Variants in OSBPL1A observed in about 807,000 individuals in gnomAD.
The protein encoded by OSBPL1A is oxysterol-binding protein-related protein 1.
OSBPL1A carries 80 observed loss-of-function variants against 137.1 expected under a neutral mutation model. That is an observed-to-expected ratio of 0.58 (90% confidence interval 0.49 to 0.70). OSBPL1A has a LOEUF of 0.70. Ranked by LOEUF, OSBPL1A falls within the 30% of genes least tolerant of loss-of-function variation. OSBPL1A has a pLI of 0.00. For missense variants in OSBPL1A, 970 were observed against 1,129.4 expected (o/e 0.86, Z 2.02); for synonymous variants, 365 against 389.7 (o/e 0.94, Z 0.75).
At chr18:24,250,331 C>T (rs1436272384) in intron 15 of OSBPL1A, among the ~76,000 whole-genome samples, 2 of 152,120 alleles carry the variant, frequency 1.3e-5, no homozygotes, top group Non-Finnish European at 2.9e-5. Context: ...TGCACGCTAC[C>T]ACGCCCAGCT....
intron 17 of OSBPL1A, among the ~76,000 whole-genome samples, chr18:24,198,771 C>CGCA (rs758260008): frequency 6.6e-6 from 1 of 151,960 alleles, no homozygotes; most frequent in African/African-American, 2.4e-5. Context: ...CTCAGACTGC[C>CGCA]ACAATGGGGC....
intron 4 of OSBPL1A, among the ~76,000 whole-genome samples, chr18:24,344,830 G>T (rs963370277): frequency 5.9e-5 from 9 of 152,010 alleles, no homozygotes; most frequent in Admixed American, 6.6e-5. Flanking sequence ...TGTTTTCTTG[G>T]GGGGAGACGG....
chr18:24,396,592 C>G (rs1048521869), intron 1 of OSBPL1A, among the ~76,000 whole-genome samples: 2 of 150,212 alleles, frequency 1.3e-5, no homozygotes, highest in African/African-American at 4.9e-5. Context: ...AAACTGTAGA[C>G]AAAGCCCACC....
At chr18:24,350,970 C>A (rs1217027043) in intron 4 of OSBPL1A, among the ~76,000 whole-genome samples, 1 of 151,988 alleles carries the variant, frequency 6.6e-6, no homozygotes, top group Non-Finnish European at 1.5e-5. Context: ...GAAGAGAATT[C>A]CCAGAATGAC....
intron 4 of OSBPL1A, chr18:24,358,571 C>A: frequency 1.4e-6 from 1 of 700,114 alleles, no homozygotes; most frequent in South Asian, 1.5e-5. Context: ...TGAAACGATA[C>A]GTGTCAAGTT....
intron 2 of OSBPL1A, among the ~76,000 whole-genome samples, chr18:24,371,664 G>A (rs1240261538): frequency 1.3e-5 from 2 of 152,080 alleles, no homozygotes; most frequent in East Asian, 3.9e-4. Context: ...GGCAGCTACT[G>A]CACCCCTCAC....
chr18:24,197,070 G>A (rs1235480181), intron 17 of OSBPL1A, among the ~76,000 whole-genome samples: 4 of 152,140 alleles, frequency 2.6e-5, no homozygotes, highest in African/African-American at 4.8e-5. Flanking sequence ...GTTGCTGGCC[G>A]GGTGTGGTGG....
chr18:24,224,835 C>G (rs915886675), intron 17 of OSBPL1A, among the ~76,000 whole-genome samples: 1 of 152,174 alleles, frequency 6.6e-6, no homozygotes, highest in African/African-American at 2.4e-5. Context: ...GATTGCTAAG[C>G]CCATGTGCTC....
At chr18:24,272,196 T>G in intron 15 of OSBPL1A, 1 of 983,008 alleles carries the variant, frequency 1.0e-6, no homozygotes, top group Non-Finnish European at 1.2e-6. Flanking sequence ...CTAGAGCTGC[T>G]GTGCGCTCGG....
chr18:24,254,487 A>G (rs1034738539), intron 15 of OSBPL1A, among the ~76,000 whole-genome samples: 5 of 152,240 alleles, frequency 3.3e-5, no homozygotes, highest in African/African-American at 1.2e-4. Flanking sequence ...AAAGAGAATA[A>G]TATCAAGTAT....
At chr18:24,175,125 T>TATAC (rs1269526147) in intron 21 of OSBPL1A, among the ~76,000 whole-genome samples, 1 of 130,938 alleles carries the variant, frequency 7.6e-6, no homozygotes, top group African/African-American at 3.4e-5. Flanking sequence ...TATATATATA[T>TATAC]ATATATATAT....
At chr18:24,210,535 C>CTTTTTT (rs11355890) in intron 17 of OSBPL1A, among the ~76,000 whole-genome samples, 2 of 143,130 alleles carry the variant, frequency 1.4e-5, no homozygotes, top group African/African-American at 2.6e-5. Context: ...TTTTCTTTTT[C>CTTTTTT]TTTTTTTTTT....
intron 15 of OSBPL1A, among the ~76,000 whole-genome samples, chr18:24,269,474 A>G (rs1223787302): frequency 2.0e-5 from 3 of 152,230 alleles, no homozygotes; most frequent in Non-Finnish European, 4.4e-5. Context: ...ATGACTACAT[A>G]GATTTTAGTC....
chr18:24,326,598 C>A (rs1017630206), intron 7 of OSBPL1A, among the ~76,000 whole-genome samples: 4 of 152,220 alleles, frequency 2.6e-5, no homozygotes, highest in Non-Finnish European at 5.9e-5. Context: ...AAGACATGAT[C>A]AGACCACGCA....
intron 13 of OSBPL1A, among the ~76,000 whole-genome samples, chr18:24,304,638 T>C (rs2090466664): frequency 2.0e-5 from 3 of 152,186 alleles, no homozygotes; most frequent in Non-Finnish European, 4.4e-5. Flanking sequence ...TACTTTGTAC[T>C]CCTAATCTCA....
At position 24,288,070 on chromosome 18, in the gene OSBPL1A, C is replaced by T. The variant is rs150730896; in HGVS notation, c.1175-7122G>A. On this transcript the variant is annotated intron_variant, in intron 14 of 27. Coordinates refer to ENST00000319481, the MANE Select transcript of OSBPL1A (RefSeq NM_080597.4). ...CAGAGAGAGAAATGGAAACAGGAAG[C>T]ATTACATTAAAGAGTGGCTAGTGCT... 4.6e-5 allele frequency among the ~76,000 whole-genome samples: 7 copies of T among 152,286 alleles called. No individual in the cohort carries two copies. The East Asian group carries it at 1.2e-3, about 25-fold the overall frequency.
In OSBPL1A at chr18:24,225,098, G is replaced by A. The variant is rs111701699; in HGVS notation, c.1545C>T (p.Ser515=). The A allele has an allele frequency of 4.8e-4, 780 of 1,614,082 alleles. 7 individuals carry two copies. In the African/African-American group the frequency reaches 8.4e-3, roughly 17 times the overall value. ...EHLGSRKHRM[S]EEKDCGGGDA... ...CTCCGCCACCACAGTCTTTTTCTTC[G>A]GACATTCTGTGTTTTCTACTGCCCA... Residue 515 remains serine, a synonymous_variant, in exon 17 of 28, where the codon TCC becomes TCT. Coordinates refer to ENST00000319481, the MANE Select transcript of OSBPL1A (RefSeq NM_080597.4).
Position 24,312,053 on chromosome 18 carries a change from G to GTA in OSBPL1A, c.1022_1023insTA (p.Gln342ThrfsTer5). Reference sequence around the variant, plus strand: ...CCTCCTCATCAGTCAGCTGGTCCTGGGAACAGTAGTGAGTGCTGTAAGCAG... The same window carrying GTA: ...CCTCCTCATCAGTCAGCTGGTCCTGGTAGAACAGTAGTGAGTGCTGTAAGCAG... On this transcript the variant is annotated frameshift_variant, in exon 13 of 28. Transcript: ENST00000319481. LOFTEE classifies it high-confidence loss of function. The GTA allele has an allele frequency of 1.9e-6, 3 of 1,614,080 alleles. No individual in the cohort carries two copies. In the South Asian group the frequency reaches 3.3e-5, roughly 18 times the overall value.
intron 15 of OSBPL1A, among the ~76,000 whole-genome samples, chr18:24,280,148 G>A (rs527883163): frequency 2.0e-5 from 3 of 152,216 alleles, no homozygotes; most frequent in Non-Finnish European, 2.9e-5. Context: ...GTTTCATCAT[G>A]TTGGCCAGAC....
Sources: allele counts gnomAD v4.1 joint callset (sites outside exome capture counted in the v4.1 genomes callset), GRCh38; gene constraint gnomAD v4.1.1; transcripts MANE v1.5; gene names NCBI Gene and HGNC (gene_info 2026-07-23, HGNC 2026-07-21).